Variants in ERBB4 observed in about 807,000 individuals in gnomAD.
ERBB4 encodes the protein receptor tyrosine-protein kinase erbB-4.
A neutral mutation model predicts 158.0 loss-of-function variants in ERBB4; 42 were observed. That is an observed-to-expected ratio of 0.27 (90% CI 0.21 to 0.34). The LOEUF (loss-of-function observed/expected upper bound fraction) is 0.34. Among genes scored for constraint, ERBB4 ranks in the 10% least tolerant of loss-of-function variants. ERBB4 has a pLI of 1.00. For missense variants in ERBB4, 1,333 were observed against 1,624.1 expected (o/e 0.82, Z 3.08); for synonymous variants, 583 against 558.7 (o/e 1.04, Z -0.61).
At chr2:212,218,359 A>G (rs540031834) in intron 1 of ERBB4, among the ~76,000 whole-genome samples, 10 of 151,430 alleles carry the variant, frequency 6.6e-5, no homozygotes, top group East Asian at 1.9e-4. Flanking sequence ...CCCTAACTCT[A>G]TTCTTCAAAG....
chr2:211,394,050 T>C (rs929296531), intron 25 of ERBB4, among the ~76,000 whole-genome samples: 2 of 152,106 alleles, frequency 1.3e-5, no homozygotes, highest in Non-Finnish European at 1.5e-5. Flanking sequence ...CTATGCCCTT[T>C]CCAAATATCA....
chr2:212,172,743 G>A, intron 1 of ERBB4, among the ~76,000 whole-genome samples: 1 of 152,036 alleles, frequency 6.6e-6, no homozygotes, highest in East Asian at 1.9e-4. Flanking sequence ...AGAACACATG[G>A]ACAAATGGGG....
rs2125722581 is a variant in ERBB4, at chr2:211,562,091, G to A, written c.2302-3C>T. 1.2e-6 allele frequency: 2 copies of A among 1,611,906 alleles called. No homozygotes were observed. The highest frequency in any genetic ancestry group is 2.2e-5 in the South Asian group (2 of 91,060). Reference sequence around the variant, plus strand: ...ATACTTGCCATGATCAGAGCTTCCTGTAAGAAAAAAATGCAATACCATGAT... The same window carrying A: ...ATACTTGCCATGATCAGAGCTTCCTATAAGAAAAAAATGCAATACCATGAT... On this transcript the variant is annotated splice_polypyrimidine_tract_variant and splice_region_variant and intron_variant, in intron 19 of 27. Transcript: ENST00000342788.
chr2:212,053,014 T>C (rs1224845685), intron 2 of ERBB4, among the ~76,000 whole-genome samples: 2 of 152,082 alleles, frequency 1.3e-5, no homozygotes, highest in African/African-American at 2.4e-5. Context: ...ATAACAACTA[T>C]AGCTTTTCTC....
chr2:212,397,621 T>A (rs769058532), intron 1 of ERBB4, among the ~76,000 whole-genome samples: 1 of 152,140 alleles, frequency 6.6e-6, no homozygotes. Flanking sequence ...CTTTCCTATA[T>A]CTTAACAACA....
intron 1 of ERBB4, among the ~76,000 whole-genome samples, chr2:212,525,831 T>C (rs1188896654): frequency 6.6e-6 from 1 of 152,034 alleles, no homozygotes; most frequent in Non-Finnish European, 1.5e-5. Flanking sequence ...TGACTACTTT[T>C]AGAATATGAA....
intron 1 of ERBB4, among the ~76,000 whole-genome samples, chr2:212,460,232 T>C (rs1317470760): frequency 6.6e-6 from 1 of 152,162 alleles, no homozygotes; most frequent in Non-Finnish European, 1.5e-5. Flanking sequence ...GTGTCAGGTA[T>C]GTCTTTATTA....
chr2:211,569,336 G>T lies in ERBB4; in HGVS notation c.2302-7248C>A, dbSNP rs529404335. On this transcript the variant is annotated intron_variant, in intron 19 of 27. Coordinates refer to ENST00000342788, the MANE Select transcript of ERBB4 (RefSeq NM_005235.3). ...CTTTATGATATTTTTTATCCCGTTA[G>T]TTTTATATTTCTTCACCTAAAAATG... Among the ~76,000 whole-genome samples the T allele has an allele frequency of 4.0e-4, 61 of 152,158 alleles. No homozygotes were observed. In the South Asian group the frequency reaches 5.0e-3, roughly 12 times the overall value.
intron 1 of ERBB4, among the ~76,000 whole-genome samples, chr2:212,514,823 T>G (rs1691734206): frequency 6.6e-6 from 1 of 151,948 alleles, no homozygotes; most frequent in Non-Finnish European, 1.5e-5. Context: ...GTCAATCAAT[T>G]CATTGCTACA....
At chr2:212,376,621 T>C (rs898668523) in intron 1 of ERBB4, among the ~76,000 whole-genome samples, 1 of 152,042 alleles carries the variant, frequency 6.6e-6, no homozygotes, top group Non-Finnish European at 1.5e-5. Flanking sequence ...TCTGGCTCCT[T>C]TGGACTTCTT....
chr2:212,482,543 T>C (rs901434862), intron 1 of ERBB4, among the ~76,000 whole-genome samples: 1 of 152,214 alleles, frequency 6.6e-6, no homozygotes, highest in Non-Finnish European at 1.5e-5. Context: ...TTATGCAAGG[T>C]AAATAAACCT....
chr2:212,088,731 A>G (rs981065223), intron 2 of ERBB4, among the ~76,000 whole-genome samples: 1 of 152,172 alleles, frequency 6.6e-6, no homozygotes, highest in African/African-American at 2.4e-5. Context: ...CACATAATTC[A>G]TAGAAATTAC....
At chr2:211,849,729 T>C (rs2077672490) in intron 3 of ERBB4, among the ~76,000 whole-genome samples, 1 of 152,126 alleles carries the variant, frequency 6.6e-6, no homozygotes. Flanking sequence ...TTTATAAAGA[T>C]AAAACCATAC....
At chr2:212,160,634 G>T (rs1454220467) in intron 1 of ERBB4, among the ~76,000 whole-genome samples, 1 of 151,992 alleles carries the variant, frequency 6.6e-6, no homozygotes, top group Admixed American at 6.6e-5. Flanking sequence ...CCTCTTAGAA[G>T]AAGAGGGATG....
At chr2:212,074,237 T>C (rs747712142) in intron 2 of ERBB4, among the ~76,000 whole-genome samples, 10 of 152,012 alleles carry the variant, frequency 6.6e-5, no homozygotes, top group Non-Finnish European at 1.2e-4. Context: ...ATAAAAATGA[T>C]GGGTGGCAAA....
chr2:212,032,432 T>A (rs1449400747), intron 2 of ERBB4, among the ~76,000 whole-genome samples: 1 of 152,120 alleles, frequency 6.6e-6, no homozygotes, highest in Non-Finnish European at 1.5e-5. Flanking sequence ...ATGCCACATA[T>A]GCATTCTGCT....
chr2:211,688,362 T>C (rs989174997), intron 12 of ERBB4, among the ~76,000 whole-genome samples: 1 of 152,162 alleles, frequency 6.6e-6, no homozygotes, highest in African/African-American at 2.4e-5. Flanking sequence ...CTCTGTCTTC[T>C]CAACCTGGAG....
chr2:212,233,013 G>A (rs2083722665), intron 1 of ERBB4, among the ~76,000 whole-genome samples: 1 of 152,178 alleles, frequency 6.6e-6, no homozygotes, highest in South Asian at 2.1e-4. Context: ...ATTCCTGAAT[G>A]CATTGAAAAG....
chr2:212,182,059 C>G (rs1225621418), intron 1 of ERBB4, among the ~76,000 whole-genome samples: 1 of 151,744 alleles, frequency 6.6e-6, no homozygotes, highest in African/African-American at 2.4e-5. Context: ...AATAAATTAA[C>G]TTAATAACTA....
Sources: allele counts gnomAD v4.1 joint callset (sites outside exome capture counted in the v4.1 genomes callset), GRCh38; gene constraint gnomAD v4.1.1; transcripts MANE v1.5; gene names NCBI Gene and HGNC (gene_info 2026-07-23, HGNC 2026-07-21).